The following RP1L1 variants were observed in gnomAD, a reference collection of about 807,000 sequenced individuals.
RP1L1 encodes retinitis pigmentosa 1-like 1 protein.
Under a neutral mutation model 15.7 loss-of-function variants are expected in RP1L1, and 27 were observed. The observed-to-expected ratio is 1.72, with a 90% CI of 1.27 to 2.38. The LOEUF is 2.38. Ranked by LOEUF, RP1L1 falls within the 30% of genes most tolerant of loss-of-function variation. RP1L1 has a pLI of 0.00. For missense variants in RP1L1, 4,798 were observed against 3,075.9 expected, an observed-to-expected ratio of 1.56 and a Z score of -13.24; for synonymous variants, 1,813 against 1,276.7, an observed-to-expected ratio of 1.42 and a Z score of -8.96.
intron 1 of RP1L1, among the ~76,000 whole-genome samples, chr8:10,653,490 A>ACACACG (rs1156297336): frequency 6.6e-6 from 1 of 151,210 alleles, no homozygotes; most frequent in African/African-American, 2.4e-5. Flanking sequence ...ACACACACAC[A>ACACACG]CACGTGCACT....
rs1585974183 is a variant in RP1L1, at chr8:10,616,724, G to T, written c.610-137C>A. The T allele has an allele frequency of 3.6e-5, 37 of 1,033,744 alleles. No homozygotes were observed. In the East Asian group the frequency reaches 9.2e-4, roughly 26 times the overall value. The allele number at this position is 1,033,744 out of a possible 1,614,324, so 64.0% of individuals were successfully genotyped here. On this transcript the variant is annotated intron_variant, in intron 2 of 3. Coordinates refer to ENST00000382483, the MANE Select transcript of RP1L1 (RefSeq NM_178857.6). ...TCTCACCCCAGACTCCTGGTCCAAGGAGGGGTCTTATCCACTCCCCATAAC... is the reference window on the plus strand; with the variant it reads ...TCTCACCCCAGACTCCTGGTCCAAGTAGGGGTCTTATCCACTCCCCATAAC...
chr8:10,606,976 C>G lies in RP1L1; in HGVS notation c.7122G>C (p.Glu2374Asp), dbSNP rs907053709. 1 of 1,614,254 alleles carries G rather than the reference C, an allele frequency of 6.2e-7. No homozygotes were observed. The highest frequency in any genetic ancestry group is 8.5e-7 in the Non-Finnish European group (1 of 1,180,044). ...QGASEGYDLQEDQALGSLAPT... is the reference protein window; with the variant it reads ...QGASEGYDLQDDQALGSLAPT... ...GGGCGAGACTTCCGAGTGCCTGGTCCTCTTGTAGGTCATAACCTTCACTGG... is the reference window on the plus strand; with the variant it reads ...GGGCGAGACTTCCGAGTGCCTGGTCGTCTTGTAGGTCATAACCTTCACTGG... The change falls in exon 4 of 4, where the codon GAG (glutamate) becomes GAC (aspartate). Residue 2374 changes from glutamate to aspartate, a missense_variant. Transcript: ENST00000382483.
At chr8:10,623,503 GTCCCCAGA>G (rs1349170309) in intron 1 of RP1L1, among the ~76,000 whole-genome samples, 17 of 22,752 alleles carry the variant, frequency 7.5e-4, no homozygotes, top group African/African-American at 1.5e-3. Context: ...GAGTCACCAT[GTCCCCAGA>G]ACCACCATGA....
intron 1 of RP1L1, among the ~76,000 whole-genome samples, chr8:10,628,295 A>G (rs1798188661): frequency 6.6e-6 from 1 of 152,196 alleles, no homozygotes; most frequent in African/African-American, 2.4e-5. Flanking sequence ...CTCTTGAGAA[A>G]TTACCAAAGG....
chr8:10,639,109 A>T (rs918179019), intron 1 of RP1L1, among the ~76,000 whole-genome samples: 5 of 151,440 alleles, frequency 3.3e-5, no homozygotes, highest in Admixed American at 2.6e-4. Flanking sequence ...CGGACCCTGC[A>T]CTCTAGCCTG....
chr8:10,618,958 C>T (rs576556001), intron 2 of RP1L1, among the ~76,000 whole-genome samples: 136 of 152,320 alleles, frequency 8.9e-4, no homozygotes, highest in African/African-American at 3.1e-3. Flanking sequence ...TCAACCGCCA[C>T]CTCCCAGGTT....
chr8:10,639,716 T>C (rs1351298503), intron 1 of RP1L1, among the ~76,000 whole-genome samples: 2 of 152,176 alleles, frequency 1.3e-5, no homozygotes, highest in South Asian at 2.1e-4. Context: ...GAGAATCTTA[T>C]TGCAAGCCTT....
chr8:10,653,614 C>G (rs1393537006), intron 1 of RP1L1, among the ~76,000 whole-genome samples: 1 of 151,656 alleles, frequency 6.6e-6, no homozygotes, highest in Non-Finnish European at 1.5e-5. Context: ...CGCACACGCA[C>G]CTGTACAAAC....
At chr8:10,641,611 A>G (rs1023052384) in intron 1 of RP1L1, among the ~76,000 whole-genome samples, 5 of 152,220 alleles carry the variant, frequency 3.3e-5, no homozygotes, top group African/African-American at 1.2e-4. Flanking sequence ...CATATTTTCA[A>G]TGTTATCGTA....
intron 1 of RP1L1, among the ~76,000 whole-genome samples, chr8:10,643,808 C>T (rs953258995): frequency 1.3e-5 from 2 of 151,852 alleles, no homozygotes; most frequent in Non-Finnish European, 2.9e-5. Context: ...GGTGGTGGTG[C>T]GGGGCAGAGC....
intron 1 of RP1L1, among the ~76,000 whole-genome samples, chr8:10,645,309 A>G (rs7845069): frequency 0.068 from 10,379 of 152,320 alleles, 1,111 homozygotes; most frequent in African/African-American, 0.23. Flanking sequence ...ACTGGGCTAC[A>G]GAGTGAGACC....
Position 10,632,502 on chromosome 8 carries a change from G to A in RP1L1, c.-19-9282C>T, listed in dbSNP as rs183424116. 7.2e-3 allele frequency among the ~76,000 whole-genome samples: 1,102 copies of A among 152,236 alleles called. 14 individuals are homozygous for A. Among genetic ancestry groups the A allele is most frequent in the Middle Eastern group, 6.8e-3 (2 of 294 alleles). Reference sequence around the variant, plus strand: ...TGGGGAGGGACCCCCATCTCATCCCGACTTTTTCCTTTCCCCCTGCATGCC... The same window carrying A: ...TGGGGAGGGACCCCCATCTCATCCCAACTTTTTCCTTTCCCCCTGCATGCC... On this transcript the variant is annotated intron_variant, in intron 1 of 3. Transcript: ENST00000382483.
rs755501463 is a variant in RP1L1, at chr8:10,612,161, C to G, written c.1937G>C (p.Ser646Thr). ...AGGGCTGCTGGGTGAGGACATTGCACTGGCCCGGCTTCTGTGCCTTCTCTG... is the reference window on the plus strand; with the variant it reads ...AGGGCTGCTGGGTGAGGACATTGCAGTGGCCCGGCTTCTGTGCCTTCTCTG... ...QGQRRHRSRA[S>T]AMSSPSSPGL... Residue 646 changes from serine (S) to threonine (T), a missense_variant, in exon 4 of 4, where the codon AGT becomes ACT. Transcript: ENST00000382483. The G allele has an allele frequency of 5.6e-6, 9 of 1,613,368 alleles. No individual in the cohort carries two copies. In the African/African-American group the frequency reaches 1.1e-4, roughly 19 times the overall value.
chr8:10,629,714 G>A (rs1404029629), intron 1 of RP1L1, among the ~76,000 whole-genome samples: 1 of 152,098 alleles, frequency 6.6e-6, no homozygotes, highest in African/African-American at 2.4e-5. Context: ...TCCCACGCTG[G>A]CATGGGGGCT....
chr8:10,608,924 C>A lies in RP1L1; in HGVS notation c.5174G>T (p.Gly1725Val), dbSNP rs749149658. ...TDPTSTRTVQ[G>V]AEGGLGPGLS... ...CCCCGGCCCCAGCCCTCCCTCAGCT[C>A]CCTGGACAGTCCTAGTGCTCGTGGG... The change falls in exon 4 of 4, where the codon GGA becomes GTA. Residue 1725 changes from glycine to valine, a missense_variant. Gly to Val is a moderately radical substitution (Grantham distance 109). Coordinates refer to ENST00000382483, the MANE Select transcript of RP1L1 (RefSeq NM_178857.6). 2.5e-6 allele frequency: 4 copies of A among 1,614,128 alleles called. No individual in the cohort carries two copies. Among genetic ancestry groups the A allele is most frequent in the Middle Eastern group, 3.3e-4 (2 of 6,062 alleles).
chr8:10,627,016 A>C (rs1798169212), intron 1 of RP1L1, among the ~76,000 whole-genome samples: 1 of 152,206 alleles, frequency 6.6e-6, no homozygotes, highest in African/African-American at 2.4e-5. Flanking sequence ...GATGGGGAGA[A>C]GTTGGAACAT....
rs185457478 is a variant in RP1L1 at position 10,651,535 on chromosome 8, T to C, written c.-20+3363A>G. Among the ~76,000 whole-genome samples the C allele has an allele frequency of 4.5e-3, 680 of 152,244 alleles. 3 individuals carry two copies. The highest frequency in any genetic ancestry group is 0.015 in the African/African-American group (635 of 41,538). On this transcript the variant is annotated intron_variant, in intron 1 of 3. Transcript: ENST00000382483. ...CGGGTTCAAGAGATTGAGACCATCCTGGCCAACACGGTGAAACCCCATCTC... is the reference window on the plus strand; with the variant it reads ...CGGGTTCAAGAGATTGAGACCATCCCGGCCAACACGGTGAAACCCCATCTC...
At chr8:10,618,037 T>C (rs1217844259) in intron 2 of RP1L1, among the ~76,000 whole-genome samples, 4 of 152,186 alleles carry the variant, frequency 2.6e-5, no homozygotes, top group Non-Finnish European at 5.9e-5. Context: ...TTGCATTACG[T>C]TGTAATTAGC....
chr8:10,631,667 C>T (rs1249288077), intron 1 of RP1L1, among the ~76,000 whole-genome samples: 1 of 152,218 alleles, frequency 6.6e-6, no homozygotes, highest in African/African-American at 2.4e-5. Context: ...TCCGAGACGA[C>T]CACAGCAAGG....
Sources: gnomAD v4.1 joint callset for allele counts (sites outside exome capture counted in the v4.1 genomes callset) on GRCh38, gnomAD v4.1.1 for gene constraint, MANE v1.5 for transcripts, NCBI Gene and HGNC (gene_info 2026-07-23, HGNC 2026-07-21) for gene names.